Variants in PAK2 observed in about 807,000 individuals in gnomAD.
PAK2 encodes serine/threonine-protein kinase PAK 2.
A neutral mutation model predicts 65.9 loss-of-function variants in PAK2; 21 were observed. That is an observed-to-expected ratio of 0.32 (90% CI 0.23 to 0.46). The LOEUF (loss-of-function observed/expected upper bound fraction) is 0.46. Ranked by LOEUF, PAK2 falls within the 20% of genes least tolerant of loss-of-function variation. The probability of loss-of-function intolerance (pLI) is 1.00; values close to 1 mark genes in which losing one functional copy is unlikely to be tolerated. For synonymous variants in PAK2, 204 were observed against 219.7 expected (o/e 0.93, Z 0.63); for missense variants, 324 against 642.6 (o/e 0.50, Z 5.36).
chr3:196,789,732 C>T (rs542060996), intron 2 of PAK2, among the ~76,000 whole-genome samples: 40 of 152,128 alleles, frequency 2.6e-4, no homozygotes, highest in Non-Finnish European at 4.0e-4. Flanking sequence ...CCCAAAGTGC[C>T]GGGATTACAG....
intron 1 of PAK2, among the ~76,000 whole-genome samples, chr3:196,776,298 C>A (rs1182733780): frequency 6.6e-6 from 1 of 152,116 alleles, no homozygotes; most frequent in South Asian, 2.1e-4. Context: ...ATCAAGTATT[C>A]TATATAGCAA....
At chr3:196,745,688 C>T (rs535390875) in intron 1 of PAK2, among the ~76,000 whole-genome samples, 2 of 152,082 alleles carry the variant, frequency 1.3e-5, no homozygotes, top group South Asian at 2.1e-4. Flanking sequence ...GTGGTGCACA[C>T]CTGTAGTTCC....
At position 196,828,494 on chromosome 3, in the gene PAK2, A is replaced by G; in HGVS notation, c.*89A>G. On this transcript the variant is annotated 3_prime_UTR_variant, in exon 15 of 15. Coordinates refer to ENST00000327134, the MANE Select transcript of PAK2 (RefSeq NM_002577.4). ...AATTATTACTCTTTTTGGGGTTTAA[A>G]GAAATGGTCTGCATAACCTGAATGA... The G allele has an allele frequency of 1.2e-6, 1 of 817,948 alleles. No individual in the cohort carries two copies. 50.7% of individuals were successfully genotyped at this position (817,948 alleles called of 1,614,324 possible). A position where few individuals can be genotyped will look rare whatever the true frequency, so the allele number is the denominator to read the frequency against.
Position 196,806,595 on chromosome 3 carries a change from C to A in PAK2, c.485C>A (p.Thr162Lys), listed in dbSNP as rs1224392378. The A allele has an allele frequency of 1.9e-6, 3 of 1,610,948 alleles. No homozygotes were observed. In the Admixed American group the frequency reaches 5.0e-5, roughly 27 times the overall value. ...TCAATGCAGCTGAATGCCAAGGGAA[C>A]AGAAGCACCCGCAGTAGTGACAGAG... is the stretch of plus-strand genomic sequence containing the variant. The part of the protein sequence containing the change: ...SGTPALNAKG[T>K]EAPAVVTEEE... Residue 162 changes from threonine (T) to lysine (K), a missense_variant, in exon 6 of 15, where the codon ACA becomes AAA. Thr to Lys is a moderately conservative substitution (Grantham distance 78, BLOSUM62 -1). Coordinates refer to ENST00000327134, the MANE Select transcript of PAK2 (RefSeq NM_002577.4).
intron 2 of PAK2, among the ~76,000 whole-genome samples, chr3:196,789,031 A>G (rs2108746413): frequency 6.6e-6 from 1 of 152,334 alleles, no homozygotes; most frequent in Non-Finnish European, 1.5e-5. Context: ...ATCAGGGGAA[A>G]GACCTGGCCA....
intron 1 of PAK2, among the ~76,000 whole-genome samples, chr3:196,751,217 G>A (rs899029223): frequency 2.0e-5 from 3 of 152,106 alleles, no homozygotes; most frequent in African/African-American, 7.2e-5. Context: ...TATAGTATAG[G>A]TTGAGCATCG....
chr3:196,804,168 C>G (rs1715506989), intron 4 of PAK2, among the ~76,000 whole-genome samples: 1 of 152,138 alleles, frequency 6.6e-6, no homozygotes, highest in Admixed American at 6.5e-5. Context: ...TATGATGGAG[C>G]TAAAATCGTA....
intron 3 of PAK2, 150 bp downstream of exon 3, chr3:196,802,177 T>C: frequency 1.6e-6 from 1 of 623,960 alleles, no homozygotes; most frequent in South Asian, 1.9e-5. Context: ...GGCTGGCAGA[T>C]CATTTGAGGT....
chr3:196,821,953 G>A (rs1392532619), intron 13 of PAK2, among the ~76,000 whole-genome samples: 1 of 152,196 alleles, frequency 6.6e-6, no homozygotes, highest in African/African-American at 2.4e-5. Flanking sequence ...GTCATAGAAA[G>A]GAAGGAAGTG....
intron 12 of PAK2, among the ~76,000 whole-genome samples, chr3:196,819,158 G>A (rs1711571350): frequency 1.3e-5 from 2 of 152,114 alleles, no homozygotes; most frequent in Admixed American, 1.3e-4. Context: ...TAAGATGAGG[G>A]AGGCCGGGTG....
At chr3:196,771,668 TC>T (rs1233299541) in intron 1 of PAK2, among the ~76,000 whole-genome samples, 7 of 152,104 alleles carry the variant, frequency 4.6e-5, no homozygotes, top group African/African-American at 1.7e-4. Flanking sequence ...AAGCAATTCT[TC>T]CGCCTCAGCC....
Position 196,806,679 on chromosome 3 carries a change from C to A in PAK2, c.569C>A (p.Thr190Lys), listed in dbSNP as rs1715595805. The A allele has an allele frequency of 6.3e-7, 1 of 1,581,722 alleles. No individual in the cohort carries two copies. The highest frequency in any genetic ancestry group is 8.7e-7 in the Non-Finnish European group (1 of 1,150,634). Residue 190 changes from threonine (T) to lysine (K), a missense_variant, in exon 6 of 15, where the codon ACG becomes AAG. Thr to Lys is a moderately conservative substitution (Grantham distance 78). Transcript: ENST00000327134. ...PPVIAPRPDH[T>K]KSIYTRSVID... ...GTTATTGCCCCGCGACCGGATCATA[C>A]GAAATCAGTGAGTCTCCATCGGTGA...
At chr3:196,753,586 CTG>C (rs1470015273) in intron 1 of PAK2, among the ~76,000 whole-genome samples, 2 of 152,186 alleles carry the variant, frequency 1.3e-5, no homozygotes, top group African/African-American at 4.8e-5. Flanking sequence ...TGCCAGCTTT[CTG>C]TTTTACATTT....
chr3:196,811,167 C>T (rs370938858), intron 8 of PAK2, among the ~76,000 whole-genome samples: 2 of 149,638 alleles, frequency 1.3e-5, no homozygotes, highest in Non-Finnish European at 3.0e-5. Flanking sequence ...AGGGCTTAAG[C>T]CATTTTTGAA....
intron 1 of PAK2, among the ~76,000 whole-genome samples, 200 bp downstream of exon 1, chr3:196,740,357 G>T (rs1162042775): frequency 2.0e-5 from 3 of 152,164 alleles, no homozygotes; most frequent in Non-Finnish European, 4.4e-5. Flanking sequence ...CGTTTTCTTC[G>T]CTGGCTTTAG....
intron 1 of PAK2, among the ~76,000 whole-genome samples, chr3:196,781,021 C>T (rs1181358950): frequency 6.6e-6 from 1 of 152,188 alleles, no homozygotes; most frequent in East Asian, 1.9e-4. Context: ...ATCTCCTGAC[C>T]TCGTGATCCA....
At chr3:196,775,611 G>A (rs989138554) in intron 1 of PAK2, among the ~76,000 whole-genome samples, 1 of 152,096 alleles carries the variant, frequency 6.6e-6, no homozygotes, top group East Asian at 1.9e-4. Flanking sequence ...TCGATCTCTT[G>A]ACCTTGTGAT....
At chr3:196,808,949 C>T (rs1715682494) in intron 7 of PAK2, among the ~76,000 whole-genome samples, 1 of 144,930 alleles carries the variant, frequency 6.9e-6, no homozygotes, top group Non-Finnish European at 1.5e-5. Flanking sequence ...TTGTTTTAAA[C>T]ATAAAGCCTG....
At chr3:196,769,123 T>TC (rs1714277479) in intron 1 of PAK2, among the ~76,000 whole-genome samples, 1 of 151,720 alleles carries the variant, frequency 6.6e-6, no homozygotes, top group Non-Finnish European at 1.5e-5. Context: ...GCCCAGGAGT[T>TC]CAAGACCAGC....
Sources: allele counts gnomAD v4.1 joint callset (sites outside exome capture counted in the v4.1 genomes callset), GRCh38; gene constraint gnomAD v4.1.1; transcripts MANE v1.5; gene names NCBI Gene and HGNC (gene_info 2026-07-23, HGNC 2026-07-21).